The following DISP1 variants were observed in gnomAD, a reference collection of about 807,000 sequenced individuals.
DISP1 encodes protein dispatched homolog 1.
A neutral mutation model predicts 37.3 loss-of-function variants in DISP1; 30 were observed. That is an observed-to-expected ratio of 0.80 (90% confidence interval 0.60 to 1.09). The LOEUF (loss-of-function observed/expected upper bound fraction) is 1.09, where lower values mean the gene tolerates loss of function less well. Ranked by LOEUF, DISP1 falls within the 50% of genes least tolerant of loss-of-function variation. DISP1 has a pLI of 0.00. For missense variants in DISP1, 1,598 were observed against 1,879.5 expected, an observed-to-expected ratio of 0.85 and a Z score of 2.77; for synonymous variants, 634 against 690.2, an observed-to-expected ratio of 0.92 and a Z score of 1.28.
rs142527280 is a variant in DISP1 at position 222,943,302 on chromosome 1, A to G, written c.479A>G (p.Gln160Arg). ...CCGTGGCCTGACCATTTTCAGCATC[A>G]GCCTGTGCAACAGCACATAGCCAAC... ...HHPWPDHFQH[Q>R]PVQQHIANIR... Residue 160 changes from glutamine to arginine, a missense_variant, in exon 3 of 9, where the codon CAG becomes CGG. Transcript: ENST00000675850. 3 of 1,614,238 alleles carry G rather than the reference A, an allele frequency of 1.9e-6. No individual in the cohort carries two copies. Among genetic ancestry groups the G allele is most frequent in the Non-Finnish European group, 2.5e-6 (3 of 1,180,040 alleles).
intron 3 of DISP1, among the ~76,000 whole-genome samples, chr1:222,963,304 AAC>A (rs1236559892): frequency 4.6e-5 from 7 of 152,226 alleles, no homozygotes; most frequent in Admixed American, 4.6e-4. Flanking sequence ...GAGAAGTAGG[AAC>A]ACTTTACACT....
chr1:222,826,242 G>C (rs574677329), intron 1 of DISP1, among the ~76,000 whole-genome samples: 7 of 152,158 alleles, frequency 4.6e-5, no homozygotes, highest in African/African-American at 1.7e-4. Flanking sequence ...ATTCCTCATG[G>C]TTGCTCCTCC....
At chr1:222,905,424 A>AGCTCCTGGCCAGAAGCAGGAAG (rs1312052863) in intron 1 of DISP1, among the ~76,000 whole-genome samples, 1 of 120,108 alleles carries the variant, frequency 8.3e-6, no homozygotes, top group Non-Finnish European at 2.1e-5. Context: ...GAAATGGCTA[A>AGCTCCTGGCCAGAAGCAGGAAG]TTAAAGAATA....
intron 1 of DISP1, among the ~76,000 whole-genome samples, chr1:222,860,177 C>T (rs1668798294): frequency 6.6e-6 from 1 of 152,234 alleles, no homozygotes; most frequent in South Asian, 2.1e-4. Context: ...CTGCCTCAGC[C>T]TCCCAAGTAC....
chr1:222,998,387 T>A (rs1679219369), intron 8 of DISP1, among the ~76,000 whole-genome samples: 1 of 151,842 alleles, frequency 6.6e-6, no homozygotes, highest in Non-Finnish European at 1.5e-5. Context: ...GTATAAGATC[T>A]CAGTGAGACC....
chr1:222,957,198 C>T (rs1258051494), intron 3 of DISP1, among the ~76,000 whole-genome samples: 3 of 144,788 alleles, frequency 2.1e-5, no homozygotes, highest in African/African-American at 5.1e-5. Context: ...TTGGGGTATG[C>T]ATTGTATGGG....
chr1:222,949,062 G>GT (rs143479942), intron 3 of DISP1, among the ~76,000 whole-genome samples: 3,957 of 151,824 alleles, frequency 0.026, 76 homozygotes, highest in Middle Eastern at 0.051. Context: ...CCATCTGTGT[G>GT]TTTTTTTTAA....
chr1:222,922,225 G>A (rs934435444), intron 1 of DISP1, among the ~76,000 whole-genome samples: 1 of 152,098 alleles, frequency 6.6e-6, no homozygotes, highest in Non-Finnish European at 1.5e-5. Context: ...TTAAACTAGT[G>A]GGGGAGCCAT....
chr1:222,892,764 C>T (rs75726110), intron 1 of DISP1, among the ~76,000 whole-genome samples: 1,711 of 152,208 alleles, frequency 0.011, 27 homozygotes, highest in African/African-American at 0.039. Flanking sequence ...AATGGCAAAA[C>T]CGAAATCAGT....
intron 3 of DISP1, among the ~76,000 whole-genome samples, chr1:222,948,602 A>G (rs1674965883): frequency 6.6e-6 from 1 of 152,110 alleles, no homozygotes; most frequent in Admixed American, 6.5e-5. Flanking sequence ...AAGTCTTTTT[A>G]GTTTTCTTTA....
chr1:222,819,184 G>GA (rs1662081737), intron 1 of DISP1, among the ~76,000 whole-genome samples: 1 of 152,132 alleles, frequency 6.6e-6, no homozygotes, highest in Non-Finnish European at 1.5e-5. Flanking sequence ...AGCCATGTAG[G>GA]ACACACTGGT....
At chr1:222,886,880 C>T (rs1479370743) in intron 1 of DISP1, among the ~76,000 whole-genome samples, 1 of 152,126 alleles carries the variant, frequency 6.6e-6, no homozygotes, top group African/African-American at 2.4e-5. Flanking sequence ...TCTAGTTTAC[C>T]TAGAGGCAGA....
chr1:222,947,075 C>CATT (rs1674842360), intron 3 of DISP1, among the ~76,000 whole-genome samples: 1 of 152,086 alleles, frequency 6.6e-6, no homozygotes, highest in Non-Finnish European at 1.5e-5. Flanking sequence ...AGTTTAGTGA[C>CATT]ATTAAGTACA....
intron 1 of DISP1, among the ~76,000 whole-genome samples, chr1:222,913,593 T>C (rs539657931): frequency 1.3e-5 from 2 of 152,118 alleles, no homozygotes; most frequent in Admixed American, 6.6e-5. Context: ...TGCAAGGTAC[T>C]AGCACTAAAC....
chr1:222,853,609 G>A (rs1280676590), intron 1 of DISP1, among the ~76,000 whole-genome samples: 1 of 152,078 alleles, frequency 6.6e-6, no homozygotes, highest in East Asian at 1.9e-4. Context: ...TGGAGCTGGA[G>A]GACATTATGT....
At position 223,003,790 on chromosome 1, in the gene DISP1, A is replaced by G. The variant is rs775603223; in HGVS notation, c.2393A>G (p.Asn798Ser). Reference protein sequence around the residue: ...TVIWGVSPEDNGNPLNPKSKG... With the variant: ...TVIWGVSPEDSGNPLNPKSKG... ...ATCTGGGGCGTGTCCCCAGAAGACA[A>G]TGGCAACCCACTAAATCCCAAGAGT... Residue 798 changes from asparagine (N) to serine (S), a missense_variant, in exon 9 of 9, where the codon AAT becomes AGT. By Grantham distance (46) the Asn-to-Ser change is conservative. Coordinates refer to ENST00000675850, the MANE Select transcript of DISP1 (RefSeq NM_001377229.1). This position sits in a 1 kb window ranked among gnomAD's most constrained non-coding sequence, Gnocchi z 4.3. 8 of 1,614,088 alleles carry G rather than the reference A, an allele frequency of 5.0e-6. No individual in the cohort carries two copies. The highest frequency in any genetic ancestry group is 1.3e-5 in the African/African-American group (1 of 74,938).
At chr1:222,825,423 A>T (rs1189439007) in intron 1 of DISP1, among the ~76,000 whole-genome samples, 1 of 152,152 alleles carries the variant, frequency 6.6e-6, no homozygotes, top group Non-Finnish European at 1.5e-5. Context: ...CTGAACTTTA[A>T]TAATTTTATG....
At chr1:222,929,463 G>A (rs1673263506) in intron 2 of DISP1, among the ~76,000 whole-genome samples, 2 of 152,002 alleles carry the variant, frequency 1.3e-5, no homozygotes, top group African/African-American at 4.8e-5. Context: ...GATAATGCAA[G>A]AAATAGAAAA....
At chr1:222,940,087 C>A (rs1455288949) in intron 2 of DISP1, among the ~76,000 whole-genome samples, 1 of 151,236 alleles carries the variant, frequency 6.6e-6, no homozygotes, top group Non-Finnish European at 1.5e-5. Context: ...GATCGCGCCA[C>A]TGCACTCCAG....
Sources: allele counts gnomAD v4.1 joint callset (sites outside exome capture counted in the v4.1 genomes callset), GRCh38; gene constraint gnomAD v4.1.1; non-coding constraint Gnocchi (gnomAD v3.1); transcripts MANE v1.5; gene names NCBI Gene and HGNC (gene_info 2026-07-23, HGNC 2026-07-21).